Variants in ETAA1 observed in about 807,000 individuals in gnomAD.
The protein encoded by ETAA1 is ETAA1 activator of ATR kinase.
A neutral mutation model predicts 76.8 loss-of-function variants in ETAA1; 49 were observed. The observed-to-expected ratio is 0.64, with a 90% CI of 0.51 to 0.81. The LOEUF (loss-of-function observed/expected upper bound fraction) is 0.81. Among genes scored for constraint, ETAA1 ranks in the 30% least tolerant of loss-of-function variants. ETAA1 has a pLI of 0.00. For missense variants in ETAA1, 1,099 were observed against 1,074.0 expected, an observed-to-expected ratio of 1.02 and a Z score of -0.32; for synonymous variants, 373 against 372.2, an observed-to-expected ratio of 1.00 and a Z score of -0.03.
At position 67,404,983 on chromosome 2, in the gene ETAA1, A is replaced by G. The variant is rs775211567; in HGVS notation, c.2301A>G (p.Lys767=). The part of the protein sequence containing the change: ...TDVPIQVNSS[K]LVLPGSSSLN... ...TTCCAATACAAGTGAATAGTTCCAA[A>G]TTGGTTCTTCCAGGAAGTTCAAGTT... Residue 767 remains lysine (K), a synonymous_variant, in exon 5 of 6, where the codon AAA becomes AAG. Coordinates refer to ENST00000272342, the MANE Select transcript of ETAA1 (RefSeq NM_019002.4). 2 of 1,612,698 alleles carry G rather than the reference A, an allele frequency of 1.2e-6. No homozygotes were observed. Among genetic ancestry groups the G allele is most frequent in the Non-Finnish European group, 1.7e-6 (2 of 1,179,154 alleles).
chr2:67,399,205 A>C lies in ETAA1; in HGVS notation c.260A>C (p.Asp87Ala). The stretch of plus-strand genomic sequence containing the variant: ...ACACCAAAGAGAGCGCTGAAAATGG[A>C]CTCACTGTCATCTTCCTTCAGTTCT... ...YETPKRALKM[D>A]SLSSSFSSPN... The change falls in exon 2 of 6, where the codon GAC (aspartate) becomes GCC (alanine). Residue 87 changes from aspartate to alanine, a missense_variant. By Grantham distance (126) the Asp-to-Ala change is moderately radical. This residue lies in a region of ETAA1 where 761 missense variants were observed against 731.9 expected (regional missense o/e 1.04). Transcript: ENST00000272342. The C allele has an allele frequency of 1.2e-6, 2 of 1,613,246 alleles. No individual in the cohort carries two copies. Among genetic ancestry groups the C allele is most frequent in the Non-Finnish European group, 1.7e-6 (2 of 1,179,412 alleles).
At chr2:67,403,024 T>G in intron 4 of ETAA1, 50 bp downstream of exon 4, 2 of 1,481,440 alleles carry the variant, frequency 1.4e-6, no homozygotes, top group Non-Finnish European at 9.2e-7. Context: ...GCAAATATTT[T>G]TTGATAATAC....
At chr2:67,398,414 C>T (rs929415407) in intron 1 of ETAA1, among the ~76,000 whole-genome samples, 10 of 150,194 alleles carry the variant, frequency 6.7e-5, no homozygotes, top group Admixed American at 1.3e-4. Flanking sequence ...CGGCTCACTG[C>T]AACCTCCGCC....
rs559760741 is a variant in ETAA1 at position 67,397,342 on chromosome 2, A to G, written c.-107A>G. 6 of 1,246,354 alleles carry G rather than the reference A, an allele frequency of 4.8e-6. No homozygotes were observed. Among genetic ancestry groups the G allele is most frequent in the African/African-American group, 3.0e-5 (2 of 67,156 alleles). 77.2% of individuals were successfully genotyped at this position (1,246,354 alleles called of 1,614,324 possible). A position where few individuals can be genotyped will look rare whatever the true frequency, so the allele number is the denominator to read the frequency against. On this transcript the variant is annotated 5_prime_UTR_variant, in exon 1 of 6. Transcript: ENST00000272342. ...CTCTTGCGCGCGCCCCACCGACCAA[A>G]ATGGCGGCTGCCGTTGGTGCGGGGT...
Position 67,403,906 on chromosome 2 carries a change from C to G in ETAA1, c.1224C>G (p.Ala408=). The change falls in exon 5 of 6, where the codon GCC becomes GCG. Residue 408 remains alanine (A), a synonymous_variant. Transcript: ENST00000272342. Reference sequence around the variant, plus strand: ...CTGAACTCTTTCCTTCTAAAACAGCCCATGTTACTGATCAAAAGGAAATTT... The same window carrying G: ...CTGAACTCTTTCCTTCTAAAACAGCGCATGTTACTGATCAAAAGGAAATTT... ...DMPELFPSKT[A]HVTDQKEICT... 2 of 1,612,632 alleles carry G rather than the reference C, an allele frequency of 1.2e-6. No homozygotes were observed. The highest frequency in any genetic ancestry group is 1.7e-6 in the Non-Finnish European group (2 of 1,179,372).
chr2:67,411,726 G>C lies in ETAA1; in HGVS notation c.*1688G>C, dbSNP rs1021604469. 1 of 152,028 alleles carries C rather than the reference G, an allele frequency of 6.6e-6. No individual in the cohort carries two copies. The highest frequency in any genetic ancestry group is 2.1e-4 in the South Asian group (1 of 4,824). 9.4% of individuals were successfully genotyped at this position (152,028 alleles called of 1,614,324 possible). On this transcript the variant is annotated 3_prime_UTR_variant, in exon 6 of 6. Transcript: ENST00000272342. Reference sequence around the variant, plus strand: ...AAAATGGTATTTTCATATCTACAGTGGAGTACTGGAGTTTAGCTAACCTAT... The same window carrying C: ...AAAATGGTATTTTCATATCTACAGTCGAGTACTGGAGTTTAGCTAACCTAT...
chr2:67,397,777 C>T (rs1675922795), intron 1 of ETAA1, 106 bp downstream of exon 1: 1 of 1,173,236 alleles, frequency 8.5e-7, no homozygotes, highest in Non-Finnish European at 1.2e-6. Flanking sequence ...AGCGTGTATT[C>T]TGTCTCTGGG....
chr2:67,403,140 G>C, intron 4 of ETAA1, 85 bp from the exon 5 acceptor site: 1 of 1,123,798 alleles, frequency 8.9e-7, no homozygotes, highest in Non-Finnish European at 1.2e-6. Context: ...TAAAATCTTA[G>C]AGCTTTAACA....
chr2:67,402,986 C>A lies in ETAA1; in HGVS notation c.542+12C>A. 6.4e-7 allele frequency: 1 copy of A among 1,568,332 alleles called. No individual in the cohort carries two copies. Among genetic ancestry groups the A allele is most frequent in the East Asian group, 2.3e-5 (1 of 43,710 alleles). On this transcript the variant is annotated intron_variant, in intron 4 of 5. Coordinates refer to ENST00000272342, the MANE Select transcript of ETAA1 (RefSeq NM_019002.4). ...ATCAGCTGCACAAAGTAAGTTAAGA[C>A]TTTTCAGCTTTTCTGAAATTCAGTG...
In ETAA1 at chr2:67,410,758, T is replaced by C. The variant is rs1676351161; in HGVS notation, c.*720T>C. Reference sequence around the variant, plus strand: ...GTCATCTGGTCCAGCTTCCTTATTGTATCGGTGAGAAAAAGTAATACTGTT... The same window carrying C: ...GTCATCTGGTCCAGCTTCCTTATTGCATCGGTGAGAAAAAGTAATACTGTT... On this transcript the variant is annotated 3_prime_UTR_variant, in exon 6 of 6. Coordinates refer to ENST00000272342, the MANE Select transcript of ETAA1 (RefSeq NM_019002.4). 1 of 152,034 alleles carries C rather than the reference T, an allele frequency of 6.6e-6. No homozygotes were observed. Among genetic ancestry groups the C allele is most frequent in the Admixed American group, 6.6e-5 (1 of 15,238 alleles). 9.4% of individuals were successfully genotyped at this position (152,034 alleles called of 1,614,324 possible).
intron 2 of ETAA1, 63 bp from the exon 3 acceptor site, chr2:67,399,487 A>G: frequency 5.3e-6 from 7 of 1,314,978 alleles, no homozygotes; most frequent in Non-Finnish European, 7.6e-6. Flanking sequence ...AAGAAGTGAC[A>G]GCTGTTTTTT....
At chr2:67,398,434 C>T (rs911927808) in intron 1 of ETAA1, among the ~76,000 whole-genome samples, 35 of 150,746 alleles carry the variant, frequency 2.3e-4, no homozygotes, top group African/African-American at 8.5e-4. Context: ...CTCCCGGGTT[C>T]AAGCGATTCT....
intron 3 of ETAA1, chr2:67,400,871 C>G (rs1326922625): frequency 6.6e-6 from 1 of 152,176 alleles, no homozygotes; most frequent in Non-Finnish European, 1.5e-5. Context: ...CAAAACAACT[C>G]TGTTGCTACT....
In ETAA1 at chr2:67,401,810, TTTC is replaced by T. The variant is rs372957673; in HGVS notation, c.430-1049_430-1047del. On this transcript the variant is annotated intron_variant, in intron 3 of 5. Coordinates refer to ENST00000272342, the MANE Select transcript of ETAA1 (RefSeq NM_019002.4). Reference sequence around the variant, plus strand: ...TGAGTCTGAAAGTGAAATTACTGATTTTCTTGAGTATTTGCAAAGCTAAAGGCA... The same window carrying T: ...TGAGTCTGAAAGTGAAATTACTGATTTTGAGTATTTGCAAAGCTAAAGGCA... The T allele has an allele frequency of 3.0e-3, 460 of 152,024 alleles. 2 individuals carry two copies. Among genetic ancestry groups the T allele is most frequent in the African/African-American group, 0.011 (437 of 41,558 alleles). 9.4% of individuals were successfully genotyped at this position (152,024 alleles called of 1,614,324 possible).
At position 67,403,982 on chromosome 2, in the gene ETAA1, C is replaced by T; in HGVS notation, c.1300C>T (p.Pro434Ser). Residue 434 changes from proline (P) to serine (S), a missense_variant, in exon 5 of 6, where the codon CCA becomes TCA. Physicochemically the swap from Pro to Ser is moderately conservative, Grantham distance 74. Coordinates refer to ENST00000272342, the MANE Select transcript of ETAA1 (RefSeq NM_019002.4). ...AAATACGTCAAGAGCAAATACAAGTCCAGATGCCAGGTTAGGAGATTCAAA... is the reference window on the plus strand; with the variant it reads ...AAATACGTCAAGAGCAAATACAAGTTCAGATGCCAGGTTAGGAGATTCAAA... ...VKNTSRANTS[P>S]DARLGDSKVL... 6.2e-7 allele frequency: 1 copy of T among 1,607,958 alleles called. No individual in the cohort carries two copies. Among genetic ancestry groups the T allele is most frequent in the South Asian group, 1.1e-5 (1 of 90,404 alleles).
intron 5 of ETAA1, among the ~76,000 whole-genome samples, chr2:67,405,946 A>G (rs934877264): frequency 6.6e-6 from 1 of 151,846 alleles, no homozygotes; most frequent in African/African-American, 2.4e-5. Flanking sequence ...CCCAGACTCC[A>G]TTTTTCTTTC....
Position 67,404,824 on chromosome 2 carries a change from G to A in ETAA1, c.2142G>A (p.Lys714=), listed in dbSNP as rs143464337. The A allele has an allele frequency of 4.3e-6, 7 of 1,613,138 alleles. No homozygotes were observed. Among genetic ancestry groups the A allele is most frequent in the Admixed American group, 1.7e-5 (1 of 59,860 alleles). Residue 714 remains lysine (K), a synonymous_variant, in exon 5 of 6, where the codon AAG becomes AAA. Transcript: ENST00000272342. ...TGACAAATAGCTCACAAATAGATAA[G>A]CCAATGAAGATGGAGAAAGGGGAAA... The part of the protein sequence containing the change: ...TSLTNSSQID[K]PMKMEKGEMY...
chr2:67,397,373 T>C lies in ETAA1; in HGVS notation c.-76T>C, dbSNP rs527619222. Reference sequence around the variant, plus strand: ...GGCTGCCGTTGGTGCGGGGTGCGGTTTGTAGTGCTGTTGCCCTACTCATCC... The same window carrying C: ...GGCTGCCGTTGGTGCGGGGTGCGGTCTGTAGTGCTGTTGCCCTACTCATCC... On this transcript the variant is annotated 5_prime_UTR_variant, in exon 1 of 6. Coordinates refer to ENST00000272342, the MANE Select transcript of ETAA1 (RefSeq NM_019002.4). 24 of 1,436,692 alleles carry C rather than the reference T, an allele frequency of 1.7e-5. No homozygotes were observed. Among genetic ancestry groups the C allele is most frequent in the South Asian group, 1.5e-4 (12 of 81,504 alleles). The allele number at this position is 1,436,692 out of a possible 1,614,324, so 89.0% of individuals were successfully genotyped here.
At chr2:67,397,820 T>C (rs1675924312) in intron 1 of ETAA1, 149 bp downstream of exon 1, 2 of 778,656 alleles carry the variant, frequency 2.6e-6, no homozygotes, top group African/African-American at 1.7e-5. Flanking sequence ...AATAATCCTA[T>C]ACCACTCCCC....
Sources: allele counts gnomAD v4.1 joint callset (sites outside exome capture counted in the v4.1 genomes callset), GRCh38; gene constraint gnomAD v4.1.1; regional missense constraint gnomAD v4.1.1; transcripts MANE v1.5; gene names NCBI Gene and HGNC (gene_info 2026-07-23, HGNC 2026-07-21).